SGCA: variants seen among roughly 807,000 people sequenced by gnomAD.
SGCA encodes the protein alpha-sarcoglycan.
A neutral mutation model predicts 38.1 loss-of-function variants in SGCA; 34 were observed. The ratio of observed to expected loss-of-function variants is 0.89; its 90% confidence interval spans 0.68 to 1.19. The LOEUF is 1.19. SGCA is among the 50% of genes most tolerant of loss of function. The pLI is 0.00. For synonymous variants in SGCA, 209 were observed against 214.6 expected (o/e 0.97, Z 0.23); for missense variants, 476 against 524.9 (o/e 0.91, Z 0.91).
At position 50,168,295 on chromosome 17, in the gene SGCA, T is replaced by C; in HGVS notation, c.386-79T>C. On this transcript the variant is annotated intron_variant, in intron 4 of 9. Transcript: ENST00000262018. Reference sequence around the variant, plus strand: ...GGGCCTGAAGGGGTGTGCAGGGATGTGGGGAGGAGCTTCAAGGAGGCTTTG... The same window carrying C: ...GGGCCTGAAGGGGTGTGCAGGGATGCGGGGAGGAGCTTCAAGGAGGCTTTG... 2.4e-6 allele frequency: 3 copies of C among 1,261,786 alleles called. No homozygotes were observed. In the Admixed American group the frequency reaches 5.9e-5, roughly 25 times the overall value. The allele number at this position is 1,261,786 out of a possible 1,614,324, so 78.2% of individuals were successfully genotyped here.
chr17:50,170,101 C>T, intron 6 of SGCA, 42 bp from the exon 7 acceptor site: 1 of 1,574,338 alleles, frequency 6.4e-7, no homozygotes, highest in Non-Finnish European at 8.7e-7. Context: ...CCTCTGTGTC[C>T]AGCCAGCCAC....
At chr17:50,168,250 G>A in intron 4 of SGCA, 124 bp from the exon 5 acceptor site, 1 of 902,926 alleles carries the variant, frequency 1.1e-6, no homozygotes, top group Non-Finnish European at 1.7e-6. Flanking sequence ...GTTGGGGTCT[G>A]TGATGGATGG....
At chr17:50,169,530 CTG>C (rs1319204356) in intron 6 of SGCA, 5 of 512,626 alleles carry the variant, frequency 9.8e-6, no homozygotes, top group African/African-American at 7.7e-5. Flanking sequence ...CGCCCCAGAT[CTG>C]CCCAGGTCAA....
At position 50,175,915 on chromosome 17, in the gene SGCA, C is replaced by A. The variant is rs1342042046; in HGVS notation, c.*216C>A. 4.5e-6 allele frequency: 2 copies of A among 447,340 alleles called. No homozygotes were observed. The highest frequency in any genetic ancestry group is 9.0e-6 in the Non-Finnish European group (2 of 221,434). The allele number at this position is 447,340 out of a possible 1,614,324, so 27.7% of individuals were successfully genotyped here. On this transcript the variant is annotated 3_prime_UTR_variant, in exon 10 of 10. Transcript: ENST00000262018. Reference sequence around the variant, plus strand: ...TGCTCTGCTCACCAATTGCTGCTGGCAGCCTCTCCCGTCCTCACTGGCTCT... The same window carrying A: ...TGCTCTGCTCACCAATTGCTGCTGGAAGCCTCTCCCGTCCTCACTGGCTCT...
chr17:50,168,656 A>G, intron 5 of SGCA, 84 bp downstream of exon 5: 1 of 1,289,382 alleles, frequency 7.8e-7, no homozygotes, highest in Non-Finnish European at 1.1e-6. Flanking sequence ...CCTAATTTCC[A>G]GGTGGGGCTT....
In SGCA at chr17:50,168,503, T is replaced by C; in HGVS notation, c.515T>C (p.Leu172Pro). The C allele has an allele frequency of 6.3e-7, 1 of 1,579,782 alleles. No homozygotes were observed. Among genetic ancestry groups the C allele is most frequent in the Non-Finnish European group, 8.6e-7 (1 of 1,162,384 alleles). The change falls in exon 5 of 10, where the codon CTG (leucine) becomes CCG (proline). Residue 172 changes from leucine to proline, a missense_variant. By Grantham distance (98) the Leu-to-Pro change is moderately conservative. Transcript: ENST00000262018. ...GGLWEPGELQ[L>P]LNVTSALDRG... The stretch of plus-strand genomic sequence containing the variant: ...CTCTGGGAGCCCGGAGAGCTTCAGC[T>C]GCTCAACGTCACCTCTGCCTTGGAC...
chr17:50,175,594 C>T (rs2144512576), intron 9 of SGCA, 118 bp from the exon 10 acceptor site: 1 of 756,682 alleles, frequency 1.3e-6, no homozygotes, highest in South Asian at 1.5e-5. Flanking sequence ...GCTGGGGGTC[C>T]TCACCAGTGC....
chr17:50,169,060 C>T (rs762700889), intron 5 of SGCA, 32 bp from the exon 6 acceptor site: 3 of 1,611,636 alleles, frequency 1.9e-6, no homozygotes, highest in Non-Finnish European at 2.5e-6. Context: ...CCTGCCCCCA[C>T]TCTGCTGACA....
intron 6 of SGCA, 53 bp downstream of exon 6, chr17:50,169,307 G>A: frequency 6.7e-7 from 1 of 1,493,138 alleles, no homozygotes; most frequent in Non-Finnish European, 9.2e-7. Context: ...CCCCATCCCA[G>A]TCCCCCTTCC....
chr17:50,169,319 T>C, intron 6 of SGCA, 65 bp downstream of exon 6: 2 of 1,389,108 alleles, frequency 1.4e-6, no homozygotes, highest in Non-Finnish European at 2.0e-6. Context: ...CCCCCTTCCC[T>C]CCCATGCTGC....
chr17:50,171,580 C>T (rs1322041184), intron 8 of SGCA: 1 of 456,818 alleles, frequency 2.2e-6, no homozygotes, highest in South Asian at 1.5e-5. Context: ...CTGTTTGGAG[C>T]CCAGTAGTGA....
At chr17:50,169,521 G>A (rs1217360351) in intron 6 of SGCA, 18 of 519,802 alleles carry the variant, frequency 3.5e-5, no homozygotes, top group South Asian at 2.7e-4. Context: ...CAACTCCCGC[G>A]CCCCAGATCT....
chr17:50,168,525 G>A lies in SGCA; in HGVS notation c.537G>A (p.Leu179=). 1 of 1,577,736 alleles carries A rather than the reference G, an allele frequency of 6.3e-7. No individual in the cohort carries two copies. Among genetic ancestry groups the A allele is most frequent in the Non-Finnish European group, 8.6e-7 (1 of 1,161,100 alleles). The change falls in exon 5 of 10, where the codon TTG becomes TTA. Residue 179 remains leucine (L), a synonymous_variant. Coordinates refer to ENST00000262018, the MANE Select transcript of SGCA (RefSeq NM_000023.4). ...ELQLLNVTSA[L]DRGGRVPLPI... ...AGCTGCTCAACGTCACCTCTGCCTT[G>A]GACCGTGGGGGCCGTGTCCCCCTTC...
chr17:50,170,388 G>A, intron 7 of SGCA, 37 bp downstream of exon 7: 2 of 1,583,522 alleles, frequency 1.3e-6, no homozygotes, highest in Non-Finnish European at 1.7e-6. Context: ...AGCACCTGCT[G>A]GAGCTCACAC....
chr17:50,170,769 C>T, intron 8 of SGCA, 103 bp downstream of exon 8: 1 of 962,744 alleles, frequency 1.0e-6, no homozygotes, highest in Non-Finnish European at 1.6e-6. Flanking sequence ...ATAAATAACT[C>T]CAGGGTGATG....
chr17:50,167,307 C>T lies in SGCA; in HGVS notation c.38-61C>T. 1.9e-6 allele frequency: 3 copies of T among 1,610,588 alleles called. No homozygotes were observed. Among genetic ancestry groups the T allele is most frequent in the South Asian group, 2.2e-5 (2 of 90,788 alleles). Reference sequence around the variant, plus strand: ...TCCAAGGACTTGGTGGGGAAGGGAGCTTATCCCCTGCCCAGGACTGAGGCT... The same window carrying T: ...TCCAAGGACTTGGTGGGGAAGGGAGTTTATCCCCTGCCCAGGACTGAGGCT... On this transcript the variant is annotated intron_variant, in intron 1 of 9. Transcript: ENST00000262018. The surrounding 1 kb of genome is among the most constrained non-coding windows in gnomAD (Gnocchi z 4.5).
At chr17:50,169,834 C>G (rs958731020) in intron 6 of SGCA, 3 of 493,284 alleles carry the variant, frequency 6.1e-6, no homozygotes, top group African/African-American at 3.9e-5. Flanking sequence ...TGAGCACTTG[C>G]TATGTGCTTG....
chr17:50,167,431 G>A lies in SGCA; in HGVS notation c.101G>A (p.Arg34His), dbSNP rs371675217. 1.5e-5 allele frequency: 25 copies of A among 1,614,160 alleles called. No individual in the cohort carries two copies. Among genetic ancestry groups the A allele is most frequent in the Middle Eastern group, 1.6e-4 (1 of 6,062 alleles). ...QQTTLHPLVG[R>H]VFVHTLDHET... ...ACCACGCTACACCCACTTGTGGGCCGTGTCTTTGTGCACACCTTGGACCAT... is the reference window on the plus strand; with the variant it reads ...ACCACGCTACACCCACTTGTGGGCCATGTCTTTGTGCACACCTTGGACCAT... Residue 34 changes from arginine to histidine, a missense_variant, in exon 2 of 10, where the codon CGT (arginine) becomes CAT (histidine). By Grantham distance (29) the Arg-to-His change is conservative. Transcript: ENST00000262018. The surrounding 1 kb of genome is among the most constrained non-coding windows in gnomAD (Gnocchi z 4.5).
intron 6 of SGCA, 46 bp downstream of exon 6, chr17:50,169,300 CA>C: frequency 6.6e-7 from 1 of 1,519,564 alleles, no homozygotes; most frequent in South Asian, 1.2e-5. Context: ...GCATGGCCCC[CA>C]TCCCAGTCCC....
Sources: gnomAD v4.1 joint callset for allele counts on GRCh38, gnomAD v4.1.1 for gene constraint, Gnocchi (gnomAD v3.1) non-coding constraint, MANE v1.5 for transcripts, NCBI Gene and HGNC (gene_info 2026-07-23, HGNC 2026-07-21) for gene names.